The following TMEM154 variants were observed in gnomAD, a reference collection of about 807,000 sequenced individuals.
TMEM154 encodes the protein transmembrane protein 154.
A neutral mutation model predicts 24.5 loss-of-function variants in TMEM154; 27 were observed. The observed-to-expected ratio is 1.10, with a 90% CI of 0.81 to 1.52. The LOEUF (loss-of-function observed/expected upper bound fraction) is 1.52, where lower values mean the gene tolerates loss of function less well. TMEM154 is among the 40% of genes most tolerant of loss of function. The probability of loss-of-function intolerance (pLI) is 0.00; values close to 1 mark genes in which losing one functional copy is unlikely to be tolerated. For synonymous variants in TMEM154, 67 were observed against 76.8 expected (o/e 0.87, Z 0.67); for missense variants, 228 against 213.4 (o/e 1.07, Z -0.43).
intron 1 of TMEM154, among the ~76,000 whole-genome samples, chr4:152,662,608 C>A (rs76815757): frequency 0.043 from 6,231 of 143,646 alleles, 408 homozygotes; most frequent in African/African-American, 0.15. Context: ...CAAGGGATTT[C>A]CCCCAAAACA....
At position 152,618,995 on chromosome 4, in the gene TMEM154, G is replaced by A. The variant is rs1392961140; in HGVS notation, c.*9551C>T. 1 of 152,216 alleles carries A rather than the reference G, an allele frequency of 6.6e-6. No individual in the cohort carries two copies. The highest frequency in any genetic ancestry group is 2.4e-5 in the African/African-American group (1 of 41,452). The allele number at this position is 152,216 out of a possible 1,614,324, so 9.4% of individuals were successfully genotyped here. A position where few individuals can be genotyped will look rare whatever the true frequency, so the allele number is the denominator to read the frequency against. On this transcript the variant is annotated 3_prime_UTR_variant, in exon 7 of 7. Coordinates refer to ENST00000304385, the MANE Select transcript of TMEM154 (RefSeq NM_152680.3). ...TTAGGTACTTAAGGAAAGATGATAT[G>A]TAACTCCTAGCTCATTAAATAATTG...
At chr4:152,630,309 CA>C (rs56827457) in intron 6 of TMEM154, among the ~76,000 whole-genome samples, 37 of 91,334 alleles carry the variant, frequency 4.1e-4, no homozygotes, top group South Asian at 9.1e-4. Flanking sequence ...CACCCTGTCT[CA>C]AAAAAAAAAA....
At chr4:152,650,699 A>G (rs1302628360) in intron 3 of TMEM154, among the ~76,000 whole-genome samples, 1 of 152,204 alleles carries the variant, frequency 6.6e-6, no homozygotes, top group Non-Finnish European at 1.5e-5. Flanking sequence ...CAGAGGACTC[A>G]CCATCTATGG....
Position 152,652,634 on chromosome 4 carries a change from T to C in TMEM154, c.325+33A>G, listed in dbSNP as rs554225378. 3.1e-6 allele frequency: 5 copies of C among 1,613,448 alleles called. No individual in the cohort carries two copies. In the South Asian group the frequency reaches 3.3e-5, roughly 11 times the overall value. The stretch of plus-strand genomic sequence containing the variant: ...GATTGTTCACTAACACATGAAGCAA[T>C]TTTCTGGAAATGGAAATACACCAAA... On this transcript the variant is annotated intron_variant, in intron 2 of 6. Coordinates refer to ENST00000304385, the MANE Select transcript of TMEM154 (RefSeq NM_152680.3).
At chr4:152,647,446 C>A in intron 3 of TMEM154, 1 of 512,240 alleles carries the variant, frequency 2.0e-6, no homozygotes, top group Non-Finnish European at 2.5e-6. Flanking sequence ...TGTGTTAAAG[C>A]ATTGGCTGAT....
rs895655244 is a variant in TMEM154, at chr4:152,666,931, G to A, written c.64+12939C>T. 2.0e-5 allele frequency: 3 copies of A among 152,318 alleles called. No individual in the cohort carries two copies. In the East Asian group the frequency reaches 5.8e-4, roughly 29 times the overall value. 9.4% of individuals were successfully genotyped at this position (152,318 alleles called of 1,614,324 possible). On this transcript the variant is annotated intron_variant, in intron 1 of 6. Transcript: ENST00000304385. ...TGGTGATGGGACACCATTGCTCATGGACTGCAGACAGTGCTACGAGGACAC... is the reference window on the plus strand; with the variant it reads ...TGGTGATGGGACACCATTGCTCATGAACTGCAGACAGTGCTACGAGGACAC...
chr4:152,645,976 CACAG>C (rs1158198540), intron 3 of TMEM154, among the ~76,000 whole-genome samples: 13 of 145,560 alleles, frequency 8.9e-5, no homozygotes, highest in African/African-American at 3.1e-4. Flanking sequence ...CACACACACA[CACAG>C]ACACCACAAA....
chr4:152,630,983 AC>A (rs1433198676), intron 6 of TMEM154, among the ~76,000 whole-genome samples: 8 of 152,156 alleles, frequency 5.3e-5, no homozygotes, highest in African/African-American at 1.4e-4. Flanking sequence ...TAAATCAAAA[AC>A]TTTTTTTAGC....
In TMEM154 at chr4:152,632,023, G is replaced by T. The variant is rs569395189; in HGVS notation, c.537-3462C>A. Among the ~76,000 whole-genome samples, 6 of 151,534 alleles carry T rather than the reference G, an allele frequency of 4.0e-5. No individual in the cohort carries two copies. In the South Asian group the frequency reaches 1.0e-3, roughly 26 times the overall value. Reference sequence around the variant, plus strand: ...GGGGTTTCACCATGTTAGCCAGGATGGTCTCGATCTCCTGACCTCGTGATC... The same window carrying T: ...GGGGTTTCACCATGTTAGCCAGGATTGTCTCGATCTCCTGACCTCGTGATC... On this transcript the variant is annotated intron_variant, in intron 6 of 6. Coordinates refer to ENST00000304385, the MANE Select transcript of TMEM154 (RefSeq NM_152680.3).
intron 3 of TMEM154, chr4:152,647,410 T>A (rs1728274175): frequency 3.5e-5 from 30 of 848,162 alleles, no homozygotes; most frequent in Admixed American, 6.2e-5. Flanking sequence ...AAGTTGTCCA[T>A]CTGTTAAGCA....
At chr4:152,665,400 A>C (rs538370773) in intron 1 of TMEM154, among the ~76,000 whole-genome samples, 1 of 152,252 alleles carries the variant, frequency 6.6e-6, no homozygotes, top group Admixed American at 6.5e-5. Flanking sequence ...AATTTGAGAA[A>C]AATTAGAGGT....
chr4:152,672,162 G>A (rs1254166250), intron 1 of TMEM154, among the ~76,000 whole-genome samples: 1 of 151,476 alleles, frequency 6.6e-6, no homozygotes, highest in Non-Finnish European at 1.5e-5. Flanking sequence ...AGCTACTCAG[G>A]AGGCTGAGGT....
intron 1 of TMEM154, among the ~76,000 whole-genome samples, chr4:152,656,916 A>G (rs1229406197): frequency 6.6e-6 from 1 of 151,922 alleles, no homozygotes; most frequent in African/African-American, 2.4e-5. Context: ...CAGAAAAACA[A>G]TACCCAAAAT....
At chr4:152,646,864 T>G in intron 3 of TMEM154, 1 of 683,220 alleles carries the variant, frequency 1.5e-6, no homozygotes, top group Non-Finnish European at 2.7e-6. Context: ...CCAGAAGATT[T>G]ACTGAGTAAG....
At chr4:152,653,279 G>A (rs1397709444) in intron 1 of TMEM154, among the ~76,000 whole-genome samples, 1 of 152,068 alleles carries the variant, frequency 6.6e-6, no homozygotes, top group East Asian at 1.9e-4. Flanking sequence ...CTCCTATAGG[G>A]TATGATAATA....
intron 1 of TMEM154, among the ~76,000 whole-genome samples, chr4:152,654,962 A>G (rs551564894): frequency 6.6e-6 from 1 of 152,324 alleles, no homozygotes; most frequent in Non-Finnish European, 1.5e-5. Flanking sequence ...CCAAACCATC[A>G]GAATCAATTA....
chr4:152,653,390 A>ATTTT lies in TMEM154; in HGVS notation c.65-467_65-464dup, dbSNP rs56224803. 3.5e-5 allele frequency among the ~76,000 whole-genome samples: 5 copies of ATTTT among 141,942 alleles called. 1 individual carries two copies. Among genetic ancestry groups the ATTTT allele is most frequent in the Non-Finnish European group, 6.1e-5 (4 of 65,764 alleles). 93.1% of individuals were successfully genotyped at this position (141,942 alleles called of 152,430 possible). On this transcript the variant is annotated intron_variant, in intron 1 of 6. Coordinates refer to ENST00000304385, the MANE Select transcript of TMEM154 (RefSeq NM_152680.3). ...GTAAAGAAATGCACTCTGTGTCCTA[A>ATTTT]TTTTTTTTTTTTTTTTTGAGGCAGA...
chr4:152,672,717 A>T (rs79294136), intron 1 of TMEM154, among the ~76,000 whole-genome samples: 1 of 152,244 alleles, frequency 6.6e-6, no homozygotes, highest in Non-Finnish European at 1.5e-5. Flanking sequence ...ATTTTCCATT[A>T]TGAAAGTATA....
In TMEM154 at chr4:152,637,680, AG is replaced by A. The variant is rs1169694809; in HGVS notation, c.536+3247del. Among the ~76,000 whole-genome samples the A allele has an allele frequency of 1.2e-4, 18 of 152,270 alleles. No individual in the cohort carries two copies. In the South Asian group the frequency reaches 1.9e-3, roughly 16 times the overall value. On this transcript the variant is annotated intron_variant, in intron 6 of 6. Coordinates refer to ENST00000304385, the MANE Select transcript of TMEM154 (RefSeq NM_152680.3). ...AAGAAATTAAAACTCAGAGAGCTAA[AG>A]TGACTTGTTTTAGTCTAAAGAACAA... is the stretch of plus-strand genomic sequence containing the variant.
Sources: allele counts gnomAD v4.1 joint callset (sites outside exome capture counted in the v4.1 genomes callset), GRCh38; gene constraint gnomAD v4.1.1; transcripts MANE v1.5; gene names NCBI Gene and HGNC (gene_info 2026-07-23, HGNC 2026-07-21).